CXCL13: variants seen among roughly 807,000 people sequenced by gnomAD.
CXCL13 encodes C-X-C motif chemokine ligand 13.
Under a neutral mutation model 12.2 loss-of-function variants are expected in CXCL13, and 7 were observed. That is an observed-to-expected ratio of 0.57 (90% CI 0.33 to 1.07). The LOEUF (loss-of-function observed/expected upper bound fraction) is 1.07, where lower values mean the gene tolerates loss of function less well. Ranked by LOEUF, CXCL13 falls within the 50% of genes least tolerant of loss-of-function variation. The pLI, the probability that CXCL13 is intolerant of heterozygous loss-of-function variation, is 0.04. For synonymous variants in CXCL13, 47 were observed against 42.4 expected, an observed-to-expected ratio of 1.11 and a Z score of -0.42; for missense variants, 113 against 127.4, an observed-to-expected ratio of 0.89 and a Z score of 0.55.
chr4:77,582,829 G>A (rs1243383494), intron 1 of CXCL13, among the ~76,000 whole-genome samples: 2 of 152,204 alleles, frequency 1.3e-5, no homozygotes, highest in African/African-American at 4.8e-5. Flanking sequence ...GTAGGTAAGA[G>A]TTGGTGGTTG....
At position 77,535,890 on chromosome 4, in the gene CXCL13, C is replaced by A. The variant is rs557786020; in HGVS notation, c.-43+24102C>A. 3.3e-5 allele frequency among the ~76,000 whole-genome samples: 5 copies of A among 152,172 alleles called. No individual in the cohort carries two copies. In the East Asian group the frequency reaches 9.6e-4, roughly 29 times the overall value. On this transcript the variant is annotated intron_variant, in intron 1 of 4. Transcript: ENST00000286758. ...ACATTGTAGAGACAAGCCATCCTCA[C>A]TATGCTGTCTGAATTCCTGTCCCAC...
chr4:77,563,815 A>T (rs1725867706), intron 1 of CXCL13, among the ~76,000 whole-genome samples: 1 of 152,182 alleles, frequency 6.6e-6, no homozygotes, highest in Non-Finnish European at 1.5e-5. Flanking sequence ...ACTGTCTTCT[A>T]TGGGAGGAAT....
chr4:77,599,015 G>A (rs1271501430), intron 1 of CXCL13, among the ~76,000 whole-genome samples: 1 of 151,960 alleles, frequency 6.6e-6, no homozygotes, highest in African/African-American at 2.4e-5. Context: ...CACCATATTG[G>A]CCAGGCTGGT....
intron 1 of CXCL13, among the ~76,000 whole-genome samples, chr4:77,537,010 A>T (rs1378752719): frequency 1.3e-5 from 2 of 152,346 alleles, no homozygotes; most frequent in South Asian, 2.1e-4. Flanking sequence ...TCAAAAAATT[A>T]AAATCCAAGA....
chr4:77,537,985 G>A (rs1383960343), intron 1 of CXCL13, among the ~76,000 whole-genome samples: 1 of 152,150 alleles, frequency 6.6e-6, no homozygotes, highest in Non-Finnish European at 1.5e-5. Context: ...TAAGCCCAAA[G>A]TTAGAGCCAT....
Position 77,513,124 on chromosome 4 carries a change from C to T in CXCL13, c.-43+1336C>T, listed in dbSNP as rs540475365. Among the ~76,000 whole-genome samples the T allele has an allele frequency of 2.4e-4, 37 of 152,170 alleles. No individual in the cohort carries two copies. The South Asian group carries it at 7.7e-3, about 32-fold the overall frequency. The stretch of plus-strand genomic sequence containing the variant: ...GACATGAACTCATCCTTTTTTATGG[C>T]TATTCCATATACACCATGGTATTCC... On this transcript the variant is annotated intron_variant, in intron 1 of 4. Coordinates refer to the CXCL13 transcript ENST00000286758.
At chr4:77,608,783 G>T (rs969445673) in intron 2 of CXCL13, among the ~76,000 whole-genome samples, 1 of 152,152 alleles carries the variant, frequency 6.6e-6, no homozygotes, top group Non-Finnish European at 1.5e-5. Flanking sequence ...ACAATTATTG[G>T]CATCAAACTC....
chr4:77,528,245 G>T (rs1276024133), intron 1 of CXCL13, among the ~76,000 whole-genome samples: 1 of 152,202 alleles, frequency 6.6e-6, no homozygotes, highest in East Asian at 1.9e-4. Context: ...ACATATGTGT[G>T]CATGTGTCTT....
intron 1 of CXCL13, among the ~76,000 whole-genome samples, chr4:77,516,333 G>A (rs919512092): frequency 3.3e-5 from 5 of 152,184 alleles, no homozygotes; most frequent in South Asian, 2.1e-4. Flanking sequence ...AAATGAGTTA[G>A]GGAGGATTCC....
At chr4:77,597,350 G>A (rs1726789778) in intron 1 of CXCL13, among the ~76,000 whole-genome samples, 1 of 152,030 alleles carries the variant, frequency 6.6e-6, no homozygotes. Context: ...ATTTTGAATA[G>A]TATATTTTTT....
At chr4:77,568,994 G>A (rs1726003310) in intron 1 of CXCL13, among the ~76,000 whole-genome samples, 1 of 152,180 alleles carries the variant, frequency 6.6e-6, no homozygotes, top group South Asian at 2.1e-4. Context: ...ATCTAGCAGA[G>A]ATCCTTGTTA....
At chr4:77,519,818 G>A (rs1369599234) in intron 1 of CXCL13, among the ~76,000 whole-genome samples, 2 of 152,062 alleles carry the variant, frequency 1.3e-5, no homozygotes, top group Non-Finnish European at 2.9e-5. Flanking sequence ...GTATTGCCTA[G>A]GTTTTCTTCT....
intron 1 of CXCL13, among the ~76,000 whole-genome samples, chr4:77,514,451 A>G (rs577219106): frequency 7.0e-6 from 1 of 142,604 alleles, no homozygotes; most frequent in Non-Finnish European, 1.5e-5. Flanking sequence ...ATTTCTCCAC[A>G]TCCTCTCCAG....
chr4:77,570,228 T>C (rs757716962), intron 1 of CXCL13, among the ~76,000 whole-genome samples: 10 of 152,194 alleles, frequency 6.6e-5, no homozygotes, highest in Non-Finnish European at 7.4e-5. Flanking sequence ...ATGTTGAAGA[T>C]GCCAAAAGCA....
intron 1 of CXCL13, among the ~76,000 whole-genome samples, chr4:77,592,730 C>T (rs1726644548): frequency 6.6e-6 from 1 of 152,172 alleles, no homozygotes; most frequent in African/African-American, 2.4e-5. Context: ...GATCATGCCA[C>T]AGGGGCAATC....
intron 1 of CXCL13, among the ~76,000 whole-genome samples, chr4:77,545,214 T>G (rs1725326081): frequency 6.6e-6 from 1 of 152,214 alleles, no homozygotes; most frequent in Admixed American, 6.5e-5. Flanking sequence ...GGCTTAGGAC[T>G]GTCTTGGCAA....
At chr4:77,545,532 G>C (rs183605662) in intron 1 of CXCL13, among the ~76,000 whole-genome samples, 1 of 152,258 alleles carries the variant, frequency 6.6e-6, no homozygotes, top group East Asian at 1.9e-4. Flanking sequence ...GTTCACTCAC[G>C]ATTTGGCTCT....
At chr4:77,541,525 C>CGT (rs768744938) in intron 1 of CXCL13, among the ~76,000 whole-genome samples, 7 of 152,038 alleles carry the variant, frequency 4.6e-5, no homozygotes, top group Non-Finnish European at 1.0e-4. Flanking sequence ...TGGCTGTAGG[C>CGT]GTATGGCTTT....
At position 77,611,136 on chromosome 4, in the gene CXCL13, T is replaced by G; in HGVS notation, c.*97T>G. On this transcript the variant is annotated 3_prime_UTR_variant, in exon 4 of 4. Coordinates refer to ENST00000682537, the MANE Select transcript of CXCL13 (RefSeq NM_001371558.1). ...TTAAATCTTTTCCAGGAAAAAGAACTTCCCCATACAAATAAGCATGAGACT... is the reference window on the plus strand; with the variant it reads ...TTAAATCTTTTCCAGGAAAAAGAACGTCCCCATACAAATAAGCATGAGACT... 9.7e-7 allele frequency: 1 copy of G among 1,029,128 alleles called. No homozygotes were observed. The highest frequency in any genetic ancestry group is 1.5e-6 in the Non-Finnish European group (1 of 685,588). 63.7% of individuals were successfully genotyped at this position (1,029,128 alleles called of 1,614,324 possible). A position where few individuals can be genotyped will look rare whatever the true frequency, so the allele number is the denominator to read the frequency against.
Sources: gnomAD v4.1 joint callset for allele counts (sites outside exome capture counted in the v4.1 genomes callset) on GRCh38, gnomAD v4.1.1 for gene constraint, MANE v1.5 for transcripts, NCBI Gene and HGNC (gene_info 2026-07-23, HGNC 2026-07-21) for gene names.